PTPRN2: variants seen among roughly 807,000 people sequenced by gnomAD.
The protein encoded by PTPRN2 is protein tyrosine phosphatase receptor type N2, also known as receptor-type tyrosine-protein phosphatase N2.
In PTPRN2, 74 loss-of-function variants were observed where a neutral mutation model predicts 118.8. The observed-to-expected ratio is 0.62, with a 90% CI of 0.52 to 0.76. The LOEUF (loss-of-function observed/expected upper bound fraction) is 0.76. Ranked by LOEUF, PTPRN2 falls within the 30% of genes least tolerant of loss-of-function variation. The pLI is 0.00. For missense variants in PTPRN2, 1,481 were observed against 1,394.4 expected, an observed-to-expected ratio of 1.06 and a Z score of -0.99; for synonymous variants, 641 against 608.0, an observed-to-expected ratio of 1.05 and a Z score of -0.80.
At position 157,674,928 on chromosome 7, in the gene PTPRN2, G is replaced by A. The variant is rs1212153891; in HGVS notation, c.2001+7797C>T. On this transcript the variant is annotated intron_variant, in intron 13 of 22. Coordinates refer to ENST00000389418, the MANE Select transcript of PTPRN2 (RefSeq NM_002847.5). This position sits in a 1 kb window ranked among gnomAD's most constrained non-coding sequence, Gnocchi z 4.5. ...TTGCCAACAACGATGCCCTCCTCCCGAGGGACGGTGGCCCCAAGGGGAGCC... is the reference window on the plus strand; with the variant it reads ...TTGCCAACAACGATGCCCTCCTCCCAAGGGACGGTGGCCCCAAGGGGAGCC... Among the ~76,000 whole-genome samples the A allele has an allele frequency of 2.0e-5, 3 of 152,162 alleles. No homozygotes were observed. The highest frequency in any genetic ancestry group is 4.4e-5 in the Non-Finnish European group (3 of 68,016).
intron 13 of PTPRN2, among the ~76,000 whole-genome samples, chr7:157,677,378 C>T (rs566582147): frequency 9.9e-5 from 15 of 152,240 alleles, no homozygotes; most frequent in African/African-American, 3.1e-4. Flanking sequence ...TGTACCCCAA[C>T]GAGCAGCATG....
chr7:158,212,450 G>GT (rs1465912580), intron 3 of PTPRN2, among the ~76,000 whole-genome samples: 1 of 152,088 alleles, frequency 6.6e-6, no homozygotes, highest in Non-Finnish European at 1.5e-5. Context: ...TTACCCTGAC[G>GT]TGATTATTAT....
At chr7:157,624,493 A>G (rs1440298901) in intron 14 of PTPRN2, among the ~76,000 whole-genome samples, 2 of 151,858 alleles carry the variant, frequency 1.3e-5, no homozygotes, top group African/African-American at 4.8e-5. Flanking sequence ...TGCCTTACAC[A>G]TGCTCAGAAT....
At chr7:158,007,797 G>C (rs1805737873) in intron 11 of PTPRN2, among the ~76,000 whole-genome samples, 2 of 145,352 alleles carry the variant, frequency 1.4e-5, no homozygotes, top group Admixed American at 1.4e-4. Context: ...TGTGTGGGTG[G>C]GTGTGCTGTA....
At position 158,458,098 on chromosome 7, in the gene PTPRN2, A is replaced by G. The variant is rs538466461; in HGVS notation, c.163+31637T>C. On this transcript the variant is annotated intron_variant, in intron 2 of 22. Transcript: ENST00000389418. ...GCTCTGCAGTGCCCAGGGTTCCATT[A>G]TGCGTCCCTCAGTGTGAAACACAGC... Among the ~76,000 whole-genome samples, 17 of 152,292 alleles carry G rather than the reference A, an allele frequency of 1.1e-4. No individual in the cohort carries two copies. In the South Asian group the frequency reaches 3.3e-3, roughly 30 times the overall value.
intron 10 of PTPRN2, among the ~76,000 whole-genome samples, chr7:158,095,858 G>A (rs1234802994): frequency 6.6e-6 from 1 of 152,184 alleles, no homozygotes; most frequent in East Asian, 1.9e-4. Flanking sequence ...GATTACAGGC[G>A]TGAGCCGCCG....
Position 158,067,614 on chromosome 7 carries a change from G to C in PTPRN2, c.1723+13684C>G, listed in dbSNP as rs545456375. 1.2e-4 allele frequency among the ~76,000 whole-genome samples: 18 copies of C among 152,316 alleles called. No individual in the cohort carries two copies. The South Asian group carries it at 3.7e-3, about 32-fold the overall frequency. On this transcript the variant is annotated intron_variant, in intron 11 of 22. Coordinates refer to ENST00000389418, the MANE Select transcript of PTPRN2 (RefSeq NM_002847.5). Reference sequence around the variant, plus strand: ...GTTTCTGTAACGGGCTGGAGAGTGAGTGTCGGAGGCTTTGTGGGTCGGGCA... The same window carrying C: ...GTTTCTGTAACGGGCTGGAGAGTGACTGTCGGAGGCTTTGTGGGTCGGGCA...
intron 2 of PTPRN2, among the ~76,000 whole-genome samples, chr7:158,430,666 C>T (rs1050504296): frequency 5.3e-5 from 8 of 152,230 alleles, no homozygotes; most frequent in East Asian, 3.9e-4. Context: ...AAAGCCCACT[C>T]GGTGCCTTGT....
At chr7:158,581,286 T>C (rs145097312) in intron 1 of PTPRN2, among the ~76,000 whole-genome samples, 90 of 152,196 alleles carry the variant, frequency 5.9e-4, no homozygotes, top group Middle Eastern at 3.4e-3. Flanking sequence ...TATCTGTAAA[T>C]TGAAGATAGA....
In PTPRN2 at chr7:158,177,228, T is replaced by A. The variant is rs146857065; in HGVS notation, c.550-9937A>T. Among the ~76,000 whole-genome samples, 231 of 152,368 alleles carry A rather than the reference T, an allele frequency of 1.5e-3. 1 individual carries two copies. Among genetic ancestry groups the A allele is most frequent in the African/African-American group, 5.0e-3 (207 of 41,590 alleles). ...ATTCCCCCTAATTTGAGAATTTCTA[T>A]GTCCTCATCAAGAGTTGGTTTTATG... On this transcript the variant is annotated intron_variant, in intron 5 of 22. Transcript: ENST00000389418.
intron 12 of PTPRN2, among the ~76,000 whole-genome samples, chr7:157,753,919 C>T (rs1272905897): frequency 6.6e-6 from 1 of 152,260 alleles, no homozygotes; most frequent in Non-Finnish European, 1.5e-5. Context: ...GGCATCACGC[C>T]CACACCTGCC....
chr7:158,270,779 GA>G (rs1563067155), intron 3 of PTPRN2, among the ~76,000 whole-genome samples: 2 of 117,338 alleles, frequency 1.7e-5, no homozygotes, highest in African/African-American at 7.9e-5. Context: ...CGTCCACCTG[GA>G]CCACCCCTCC....
At chr7:158,274,593 G>A (rs188036762) in intron 3 of PTPRN2, among the ~76,000 whole-genome samples, 12 of 152,118 alleles carry the variant, frequency 7.9e-5, no homozygotes, top group African/African-American at 2.2e-4. Context: ...AGCCCGAGGC[G>A]CTCGGCCCAG....
intron 2 of PTPRN2, among the ~76,000 whole-genome samples, chr7:158,395,945 G>GCC (rs904647114): frequency 6.6e-6 from 1 of 152,024 alleles, no homozygotes; most frequent in African/African-American, 2.4e-5. Context: ...ACTTCCCTCT[G>GCC]CCCCCTGGTC....
In PTPRN2 at chr7:157,787,836, G is replaced by A. The variant is rs993164381; in HGVS notation, c.1789-104899C>T. Among the ~76,000 whole-genome samples, 6 of 152,164 alleles carry A rather than the reference G, an allele frequency of 3.9e-5. No individual in the cohort carries two copies. Among genetic ancestry groups the A allele is most frequent in the African/African-American group, 1.4e-4 (6 of 41,436 alleles). The stretch of plus-strand genomic sequence containing the variant: ...TCCAAGCTGCCAAGGGCTGGGGTGG[G>A]CTGTTCCCCTCTTGGCATCTCCCTC... On this transcript the variant is annotated intron_variant, in intron 12 of 22. Coordinates refer to ENST00000389418, the MANE Select transcript of PTPRN2 (RefSeq NM_002847.5). This position sits in a 1 kb window ranked among gnomAD's most constrained non-coding sequence, Gnocchi z 5.3.
chr7:158,410,791 AGAAGACAC>A (rs144804143), intron 2 of PTPRN2, among the ~76,000 whole-genome samples: 4,339 of 132,966 alleles, frequency 0.033, 81 homozygotes, highest in Middle Eastern at 0.1. Context: ...TAGGGAGAGG[AGAAGACAC>A]GGAGACACAG....
chr7:158,155,582 A>ATG (rs1174218430), intron 6 of PTPRN2, among the ~76,000 whole-genome samples: 4 of 138,570 alleles, frequency 2.9e-5, no homozygotes, highest in Non-Finnish European at 4.8e-5. Flanking sequence ...CATCACCATC[A>ATG]CCATCATCAC....
At chr7:158,020,513 G>A (rs1305947614) in intron 11 of PTPRN2, among the ~76,000 whole-genome samples, 1 of 152,174 alleles carries the variant, frequency 6.6e-6, no homozygotes, top group Non-Finnish European at 1.5e-5. Flanking sequence ...CCTACGTCCC[G>A]AGGTCACTGT....
intron 2 of PTPRN2, among the ~76,000 whole-genome samples, chr7:158,457,326 AG>A (rs1401605101): frequency 6.6e-6 from 1 of 152,172 alleles, no homozygotes; most frequent in Non-Finnish European, 1.5e-5. Flanking sequence ...TGTCCCTCCC[AG>A]GGCTCCTCAG....
Sources: gnomAD v4.1 joint callset for allele counts (sites outside exome capture counted in the v4.1 genomes callset) on GRCh38, gnomAD v4.1.1 for gene constraint, Gnocchi (gnomAD v3.1) non-coding constraint, MANE v1.5 for transcripts, NCBI Gene and HGNC (gene_info 2026-07-23, HGNC 2026-07-21) for gene names.